The following LGSN variants were observed in gnomAD, a reference collection of about 807,000 sequenced individuals.
LGSN encodes the protein lengsin.
A neutral mutation model predicts 19.5 loss-of-function variants in LGSN; 21 were observed. That is an observed-to-expected ratio of 1.07 (90% CI 0.76 to 1.55). LGSN has a LOEUF of 1.55. Ranked by LOEUF, LGSN falls within the 40% of genes most tolerant of loss-of-function variation. LGSN has a pLI of 0.00. For missense variants in LGSN, 673 were observed against 608.5 expected, an observed-to-expected ratio of 1.11 and a Z score of -1.12; for synonymous variants, 257 against 215.6, an observed-to-expected ratio of 1.19 and a Z score of -1.68.
At chr6:63,549,276 G>A in the LGSN span, 6 of 753,186 alleles carry the variant, frequency 8.0e-6, no homozygotes, top group South Asian at 4.1e-5. Context: ...GTTAATCTCA[G>A]GAGGCACTTT....
chr6:63,354,880 C>T, the LGSN span, among the ~76,000 whole-genome samples: 1 of 151,586 alleles, frequency 6.6e-6, no homozygotes, highest in Non-Finnish European at 1.5e-5. Context: ...AATCCAGACC[C>T]AGAAAAACAA....
chr6:63,561,612 A>G, the LGSN span, among the ~76,000 whole-genome samples: 1 of 152,022 alleles, frequency 6.6e-6, no homozygotes, highest in Non-Finnish European at 1.5e-5. Flanking sequence ...TACAATCACA[A>G]CCCAGGTGAC....
chr6:63,483,199 A>G, the LGSN span, among the ~76,000 whole-genome samples: 1 of 152,108 alleles, frequency 6.6e-6, no homozygotes, highest in Non-Finnish European at 1.5e-5. Context: ...GAGAAAGGCA[A>G]CCCTTAGTTC....
chr6:63,468,808 G>T, the LGSN span, among the ~76,000 whole-genome samples: 1 of 151,450 alleles, frequency 6.6e-6, no homozygotes, highest in Non-Finnish European at 1.5e-5. Context: ...GGGTGCAATG[G>T]CACGGTCTCG....
the LGSN span, among the ~76,000 whole-genome samples, chr6:63,483,464 C>T: frequency 6.6e-6 from 1 of 151,640 alleles, no homozygotes; most frequent in African/African-American, 2.4e-5. Context: ...TGCCCGGGTT[C>T]AAGCAATTCT....
the LGSN span, among the ~76,000 whole-genome samples, chr6:63,343,955 G>A: frequency 6.1e-3 from 932 of 152,156 alleles, 2 homozygotes; most frequent in African/African-American, 0.021. Context: ...GCTGAGGGCA[G>A]CCCCCAGAGA....
upstream of LGSN, among the ~76,000 whole-genome samples, chr6:63,323,323 G>A (rs886671978): frequency 3.9e-5 from 6 of 152,102 alleles, no homozygotes; most frequent in African/African-American, 1.4e-4. Flanking sequence ...TGAAGTCTTG[G>A]CTTTTAGTGT....
At chr6:63,354,535 C>T in the LGSN span, among the ~76,000 whole-genome samples, 293 of 152,206 alleles carry the variant, frequency 1.9e-3, 3 homozygotes, top group Non-Finnish European at 6.0e-4. Flanking sequence ...CTCTTGTACA[C>T]TGTTGATGGG....
At chr6:63,380,915 G>C in the LGSN span, among the ~76,000 whole-genome samples, 2 of 152,050 alleles carry the variant, frequency 1.3e-5, no homozygotes, top group Admixed American at 6.6e-5. Flanking sequence ...AAAAGTGATG[G>C]GCCAGGCGTG....
chr6:63,560,334 G>A, the LGSN span, among the ~76,000 whole-genome samples: 109 of 110,456 alleles, frequency 9.9e-4, no homozygotes, highest in African/African-American at 3.6e-3. Context: ...GTAAGACTCC[G>A]TCTCAAAAAA....
chr6:63,513,016 G>A, the LGSN span, among the ~76,000 whole-genome samples: 7 of 152,178 alleles, frequency 4.6e-5, no homozygotes, highest in East Asian at 1.2e-3. Context: ...CCAAACCATA[G>A]GGACATTCAG....
the LGSN span, among the ~76,000 whole-genome samples, chr6:63,564,260 A>G: frequency 2.6e-3 from 397 of 149,818 alleles, 1 homozygote; most frequent in African/African-American, 9.3e-3. Flanking sequence ...TGGGTGACAG[A>G]GCGAGACTCT....
chr6:63,435,670 T>C, the LGSN span, among the ~76,000 whole-genome samples: 1 of 152,108 alleles, frequency 6.6e-6, no homozygotes, highest in Non-Finnish European at 1.5e-5. Context: ...AACAAAGCCT[T>C]ATCAGAATTT....
chr6:63,529,115 A>C, the LGSN span, among the ~76,000 whole-genome samples: 1 of 145,654 alleles, frequency 6.9e-6, no homozygotes, highest in African/African-American at 2.5e-5. Flanking sequence ...GTGTATATAT[A>C]TATATGTATA....
the LGSN span, among the ~76,000 whole-genome samples, chr6:63,541,435 T>C: frequency 3.3e-5 from 5 of 151,224 alleles, no homozygotes; most frequent in South Asian, 1.1e-3. Context: ...TGCCTATAAT[T>C]CCAGCTACTC....
At chr6:63,517,808 A>C in the LGSN span, among the ~76,000 whole-genome samples, 1 of 152,264 alleles carries the variant, frequency 6.6e-6, no homozygotes, top group East Asian at 1.9e-4. Context: ...CATGTCAAAA[A>C]TGTCTCTACT....
At chr6:63,460,080 T>G in the LGSN span, among the ~76,000 whole-genome samples, 1 of 146,294 alleles carries the variant, frequency 6.8e-6, no homozygotes, top group South Asian at 2.2e-4. Flanking sequence ...AAATCTGCCT[T>G]AAATGGAAGA....
chr6:63,297,644 T>C (rs1383831320), intron 1 of LGSN, among the ~76,000 whole-genome samples: 3 of 152,184 alleles, frequency 2.0e-5, no homozygotes, highest in African/African-American at 7.2e-5. Context: ...GATGCTTCAG[T>C]AAAAAACTTA....
the LGSN span, among the ~76,000 whole-genome samples, chr6:63,378,606 G>C: frequency 6.6e-6 from 1 of 152,188 alleles, no homozygotes. Flanking sequence ...TCCACTCATG[G>C]GGAAGGCAAC....
Sources: gnomAD v4.1 joint callset for allele counts (sites outside exome capture counted in the v4.1 genomes callset) on GRCh38, gnomAD v4.1.1 for gene constraint, MANE v1.5 for transcripts, NCBI Gene and HGNC (gene_info 2026-07-23, HGNC 2026-07-21) for gene names.